The following SRGAP2 variants were observed in gnomAD, a reference collection of about 807,000 sequenced individuals.
The protein encoded by SRGAP2 is SLIT-ROBO Rho GTPase activating protein 2.
SRGAP2 carries 15 observed loss-of-function variants against 57.2 expected under a neutral mutation model. The ratio of observed to expected loss-of-function variants is 0.26; its 90% CI spans 0.18 to 0.40. SRGAP2 has a LOEUF of 0.40. Ranked by LOEUF, SRGAP2 falls within the 10% of genes least tolerant of loss-of-function variation. The pLI is 1.00. For synonymous variants in SRGAP2, 249 were observed against 248.0 expected, an observed-to-expected ratio of 1.00 and a Z score of -0.04; for missense variants, 520 against 669.6, an observed-to-expected ratio of 0.78 and a Z score of 2.47.
chr1:206,418,886 C>CTG (rs1215636072), intron 11 of SRGAP2, among the ~76,000 whole-genome samples: 178 of 107,390 alleles, frequency 1.7e-3, no homozygotes, highest in Middle Eastern at 0.012. Context: ...CTCCAACTCT[C>CTG]TCTGTGTGTG....
intron 2 of SRGAP2, among the ~76,000 whole-genome samples, chr1:206,210,258 T>G (rs1216088222): frequency 1.4e-5 from 2 of 142,580 alleles, no homozygotes; most frequent in African/African-American, 2.6e-5. Context: ...TCCTTTACCC[T>G]CTCTATACCT....
chr1:206,381,039 T>G (rs1241985783), intron 4 of SRGAP2, among the ~76,000 whole-genome samples: 1 of 152,194 alleles, frequency 6.6e-6, no homozygotes, highest in Non-Finnish European at 1.5e-5. Context: ...TCGCTACACA[T>G]GTAGTCCCAG....
chr1:206,311,549 C>T (rs1452907219), intron 3 of SRGAP2, among the ~76,000 whole-genome samples: 1 of 152,212 alleles, frequency 6.6e-6, no homozygotes, highest in Non-Finnish European at 1.5e-5. Context: ...TTAGAAAAGG[C>T]TAACAGAAGT....
chr1:206,409,824 C>T (rs1320379794), intron 10 of SRGAP2, among the ~76,000 whole-genome samples: 6 of 148,682 alleles, frequency 4.0e-5, no homozygotes, highest in Non-Finnish European at 7.4e-5. Flanking sequence ...ATCTGCTGGG[C>T]GTGGTGGCTC....
At chr1:206,445,200 C>T (rs781885569) in intron 17 of SRGAP2, among the ~76,000 whole-genome samples, 1 of 152,192 alleles carries the variant, frequency 6.6e-6, no homozygotes, top group Non-Finnish European at 1.5e-5. Context: ...GGGGAGGTAT[C>T]CAGAGCTGGC....
intron 11 of SRGAP2, among the ~76,000 whole-genome samples, chr1:206,418,926 G>T (rs191087022): frequency 9.3e-5 from 14 of 150,434 alleles, no homozygotes; most frequent in Admixed American, 2.6e-4. Context: ...GTGTGTGTGT[G>T]TGTGTGTGTG....
chr1:206,426,396 A>G (rs1430355673), intron 13 of SRGAP2, among the ~76,000 whole-genome samples: 1 of 152,228 alleles, frequency 6.6e-6, no homozygotes, highest in East Asian at 1.9e-4. Context: ...GGTTGCTTCC[A>G]TATCTCAGCT....
At chr1:206,228,753 A>G (rs1667433919) in intron 2 of SRGAP2, among the ~76,000 whole-genome samples, 1 of 151,708 alleles carries the variant, frequency 6.6e-6, no homozygotes, top group Non-Finnish European at 1.5e-5. Context: ...AAAATCAAAT[A>G]CTTGTAAAAA....
Position 206,454,138 on chromosome 1 carries a change from T to G in SRGAP2, c.2361-740T>G. On this transcript the variant is annotated intron_variant, in intron 20 of 22. Coordinates refer to ENST00000573034, the MANE Select transcript of SRGAP2 (RefSeq NM_015326.5). This position sits in a 1 kb window ranked among gnomAD's most constrained non-coding sequence, Gnocchi z 4.3. ...TTAGTCCTTCCCTTAATATTATTTT[T>G]TAAAGGTTGATATCCTGAGTGAGTC... 1 of 702,376 alleles carries G rather than the reference T, an allele frequency of 1.4e-6. No individual in the cohort carries two copies. The allele number at this position is 702,376 out of a possible 1,614,324, so 43.5% of individuals were successfully genotyped here. A position where few individuals can be genotyped will look rare whatever the true frequency, so the allele number is the denominator to read the frequency against.
At chr1:206,457,943 A>C (rs1663971310) in intron 21 of SRGAP2, among the ~76,000 whole-genome samples, 1 of 152,240 alleles carries the variant, frequency 6.6e-6, no homozygotes, top group Non-Finnish European at 1.5e-5. Context: ...GATTCTGCCA[A>C]GCCATTTTGT....
Position 206,418,286 on chromosome 1 carries a change from C to T in SRGAP2, c.1442-1087C>T, listed in dbSNP as rs551150371. 5.2e-4 allele frequency among the ~76,000 whole-genome samples: 79 copies of T among 152,240 alleles called. No homozygotes were observed. In the Middle Eastern group the frequency reaches 0.014, roughly 26 times the overall value. On this transcript the variant is annotated intron_variant, in intron 11 of 22. Coordinates refer to ENST00000573034, the MANE Select transcript of SRGAP2 (RefSeq NM_015326.5). ...ATAATGGCTCAGAATAATATTTTTG[C>T]ACATAAGAGCTGAGCCTTTGGTAAC...
At chr1:206,241,326 G>A (rs1328947195) in intron 2 of SRGAP2, among the ~76,000 whole-genome samples, 4 of 152,110 alleles carry the variant, frequency 2.6e-5, no homozygotes, top group African/African-American at 9.7e-5. Flanking sequence ...GCTAGCCCTT[G>A]TTTTCATTTA....
intron 2 of SRGAP2, chr1:206,206,300 C>G (rs192133159): frequency 1.7e-5 from 8 of 466,550 alleles, no homozygotes; most frequent in East Asian, 6.9e-5. Flanking sequence ...CTTTCCCCCC[C>G]AAGCCGGACA....
intron 2 of SRGAP2, among the ~76,000 whole-genome samples, chr1:206,280,817 G>T: frequency 6.7e-6 from 1 of 149,170 alleles, no homozygotes. Flanking sequence ...TAAGCTTGTT[G>T]TTTCTCTCTG....
At chr1:206,382,345 T>C (rs1245840938) in intron 4 of SRGAP2, among the ~76,000 whole-genome samples, 1 of 152,108 alleles carries the variant, frequency 6.6e-6, no homozygotes, top group African/African-American at 2.4e-5. Context: ...CATTAGATCA[T>C]ATACAAAGTA....
At chr1:206,387,221 T>C (rs1334595070) in intron 5 of SRGAP2, among the ~76,000 whole-genome samples, 1 of 150,186 alleles carries the variant, frequency 6.7e-6, no homozygotes, top group Non-Finnish European at 1.5e-5. Flanking sequence ...TAAGGCACCA[T>C]GGGATTACGG....
Position 206,263,434 on chromosome 1 carries a change from C to CTCTCTT in SRGAP2, c.68-39845_68-39840dup, listed in dbSNP as rs572333695. ...GTTGCCAGTATGGGACAGTTCAGTGCTCTCTTTTCTTGCCTTGGTGATGGT... is the reference window on the plus strand; with the variant it reads ...GTTGCCAGTATGGGACAGTTCAGTGCTCTCTTTCTCTTTTCTTGCCTTGGTGATGGT... On this transcript the variant is annotated intron_variant, in intron 2 of 22. Coordinates refer to ENST00000573034, the MANE Select transcript of SRGAP2 (RefSeq NM_015326.5). Among the ~76,000 whole-genome samples, 903 of 151,278 alleles carry CTCTCTT rather than the reference C, an allele frequency of 6.0e-3. 5 individuals carry two copies. The highest frequency in any genetic ancestry group is 0.021 in the African/African-American group (851 of 41,134).
chr1:206,421,614 C>G (rs546917041), intron 13 of SRGAP2, among the ~76,000 whole-genome samples: 1 of 152,220 alleles, frequency 6.6e-6, no homozygotes, highest in African/African-American at 2.4e-5. Flanking sequence ...TTTGTGCTAA[C>G]ATATCAGTAA....
At position 206,334,350 on chromosome 1, in the gene SRGAP2, C is replaced by T. The variant is rs575062083; in HGVS notation, c.261-8496C>T. On this transcript the variant is annotated intron_variant, in intron 3 of 22. Transcript: ENST00000573034. Reference sequence around the variant, plus strand: ...CTTCTAATAAAGGCAAGATAAATATCCAAATAACACATGAGAACTGATAAT... The same window carrying T: ...CTTCTAATAAAGGCAAGATAAATATTCAAATAACACATGAGAACTGATAAT... Among the ~76,000 whole-genome samples, 671 of 150,882 alleles carry T rather than the reference C, an allele frequency of 4.4e-3. 3 individuals are homozygous for T. Among genetic ancestry groups the T allele is most frequent in the Middle Eastern group, 0.01 (3 of 294 alleles).
Sources: allele counts gnomAD v4.1 joint callset (sites outside exome capture counted in the v4.1 genomes callset), GRCh38; gene constraint gnomAD v4.1.1; non-coding constraint Gnocchi (gnomAD v3.1); transcripts MANE v1.5; gene names NCBI Gene and HGNC (gene_info 2026-07-23, HGNC 2026-07-21).